The following ALPK2 variants were observed in gnomAD, a reference collection of about 807,000 sequenced individuals.
The protein encoded by ALPK2 is alpha-protein kinase 2.
Under a neutral mutation model 163.1 loss-of-function variants are expected in ALPK2, and 127 were observed. The observed-to-expected ratio is 0.78, with a 90% confidence interval of 0.67 to 0.90. The LOEUF is 0.90. Among genes scored for constraint, ALPK2 ranks in the 40% least tolerant of loss-of-function variants. The probability of loss-of-function intolerance (pLI) is 0.00; values close to 1 mark genes in which losing one functional copy is unlikely to be tolerated. For missense variants in ALPK2, 2,360 were observed against 2,589.6 expected (o/e 0.91, Z 1.92); for synonymous variants, 953 against 959.1 (o/e 0.99, Z 0.12).
At chr18:58,624,706 G>C (rs928756041) in intron 1 of ALPK2, among the ~76,000 whole-genome samples, 21 of 152,088 alleles carry the variant, frequency 1.4e-4, no homozygotes, top group Admixed American at 5.9e-4. Context: ...CACCCACCTT[G>C]GCCTCCCAAA....
chr18:58,579,579 G>A lies in ALPK2; in HGVS notation c.1197C>T (p.Gly399=), dbSNP rs1463560693. ...GDAGPMVATA[G]FCGHHSQPQE... is the part of the protein sequence containing the mutation. Reference sequence around the variant, plus strand: ...GGGGTTGTGAGTGATGACCACAGAAGCCAGCAGTGGCAACCATAGGCCCAG... The same window carrying A: ...GGGGTTGTGAGTGATGACCACAGAAACCAGCAGTGGCAACCATAGGCCCAG... The change falls in exon 4 of 13, where the codon GGC becomes GGT. Residue 399 remains glycine (G), a synonymous_variant. Transcript: ENST00000361673. 2 of 1,613,530 alleles carry A rather than the reference G, an allele frequency of 1.2e-6. No individual in the cohort carries two copies. Among genetic ancestry groups the A allele is most frequent in the Admixed American group, 1.7e-5 (1 of 59,998 alleles).
intron 5 of ALPK2, among the ~76,000 whole-genome samples, chr18:58,533,064 C>T (rs1029659738): frequency 2.6e-5 from 4 of 152,226 alleles, no homozygotes; most frequent in African/African-American, 7.2e-5. Context: ...GTCTCTACCC[C>T]GTAGTCTCCG....
At chr18:58,610,095 C>T (rs1322902454) in intron 2 of ALPK2, among the ~76,000 whole-genome samples, 1 of 151,896 alleles carries the variant, frequency 6.6e-6, no homozygotes, top group Admixed American at 6.6e-5. Flanking sequence ...GCCGACATAG[C>T]GAAACCCCAT....
chr18:58,618,971 G>A (rs146136605), intron 1 of ALPK2, among the ~76,000 whole-genome samples: 1 of 152,316 alleles, frequency 6.6e-6, no homozygotes, highest in South Asian at 2.1e-4. Context: ...CCTACTCAGC[G>A]GGGACAGGAG....
At chr18:58,606,278 C>T (rs554652684) in intron 3 of ALPK2, among the ~76,000 whole-genome samples, 57 of 152,226 alleles carry the variant, frequency 3.7e-4, no homozygotes, top group Non-Finnish European at 7.5e-4. Context: ...TGAAGTCTCA[C>T]TGTGTTGCCC....
At chr18:58,554,723 G>T (rs980538380) in intron 4 of ALPK2, among the ~76,000 whole-genome samples, 1 of 152,190 alleles carries the variant, frequency 6.6e-6, no homozygotes, top group Non-Finnish European at 1.5e-5. Flanking sequence ...TGGCCTGGGG[G>T]TTAACAAGCC....
At chr18:58,597,159 G>A (rs946592968) in intron 3 of ALPK2, among the ~76,000 whole-genome samples, 1 of 152,090 alleles carries the variant, frequency 6.6e-6, no homozygotes. Context: ...GTGTGGTGGT[G>A]GGGACCTGTA....
At chr18:58,514,711 A>AGC (rs2051511993) in intron 10 of ALPK2, among the ~76,000 whole-genome samples, 1 of 151,570 alleles carries the variant, frequency 6.6e-6, no homozygotes, top group Non-Finnish European at 1.5e-5. Context: ...AACATGGTAG[A>AGC]TTCATTTATT....
rs1487885048 is a variant in ALPK2 at position 58,535,905 on chromosome 18, G to A, written c.4282C>T (p.Gln1428Ter). The change falls in exon 5 of 13, where the codon CAG (glutamine) becomes TAG (stop). Residue 1428 changes from glutamine (Q) to a stop codon, truncating the protein, a stop_gained. Coordinates refer to ENST00000361673, the MANE Select transcript of ALPK2 (RefSeq NM_052947.4). LOFTEE classifies it high-confidence loss of function. ...GATTGACCCCCTTCTCTGGCGCCCT[G>A]TGGTGTGGTTTCAGAGGGCTCTGGT... ...GKPEPSETTP[Q>*]GAREGGQSND... 1.2e-6 allele frequency: 2 copies of A among 1,614,058 alleles called. No homozygotes were observed. Among genetic ancestry groups the A allele is most frequent in the East Asian group, 2.2e-5 (1 of 44,886 alleles).
chr18:58,482,613 G>A (rs2051317350), intron 12 of ALPK2, among the ~76,000 whole-genome samples: 1 of 152,164 alleles, frequency 6.6e-6, no homozygotes, highest in Admixed American at 6.5e-5. Context: ...CACTCCCCTG[G>A]CAGCCCGCTT....
chr18:58,553,174 ACTGT>A (rs778635484), intron 4 of ALPK2, among the ~76,000 whole-genome samples: 1 of 152,158 alleles, frequency 6.6e-6, no homozygotes, highest in Non-Finnish European at 1.5e-5. Flanking sequence ...AATACTGCCA[ACTGT>A]CTGCTGATTT....
At chr18:58,527,528 A>G (rs1364613510) in intron 6 of ALPK2, among the ~76,000 whole-genome samples, 6 of 152,234 alleles carry the variant, frequency 3.9e-5, no homozygotes, top group African/African-American at 1.4e-4. Context: ...AATACACATC[A>G]AATGGAAAAG....
intron 3 of ALPK2, among the ~76,000 whole-genome samples, chr18:58,587,385 A>C (rs750042745): frequency 9.6e-4 from 146 of 152,360 alleles, no homozygotes; most frequent in Non-Finnish European, 1.7e-3. Context: ...GCAAAGAAAC[A>C]TAAAGTATTG....
intron 8 of ALPK2, among the ~76,000 whole-genome samples, chr18:58,522,909 T>C (rs1286784016): frequency 1.3e-5 from 2 of 149,224 alleles, no homozygotes; most frequent in East Asian, 4.0e-4. Context: ...TTCTTTCTCT[T>C]TTTTTTTTCT....
chr18:58,555,881 G>A (rs1186648733), intron 4 of ALPK2, among the ~76,000 whole-genome samples: 1 of 152,168 alleles, frequency 6.6e-6, no homozygotes, highest in Non-Finnish European at 1.5e-5. Flanking sequence ...GAGTGCAGTG[G>A]CACAATCTCG....
intron 3 of ALPK2, among the ~76,000 whole-genome samples, chr18:58,582,579 AC>A: frequency 6.6e-6 from 1 of 151,722 alleles, no homozygotes; most frequent in South Asian, 2.1e-4. Context: ...AAAAAAAAAA[AC>A]TGTGAAATAT....
chr18:58,599,677 G>A (rs140448430), intron 3 of ALPK2, among the ~76,000 whole-genome samples: 30 of 152,278 alleles, frequency 2.0e-4, no homozygotes, highest in African/African-American at 6.7e-4. Context: ...ATTTTAATCA[G>A]TTCCAAAATT....
intron 2 of ALPK2, among the ~76,000 whole-genome samples, chr18:58,608,165 AAGTT>A (rs2052108294): frequency 6.6e-6 from 1 of 152,228 alleles, no homozygotes; most frequent in South Asian, 2.1e-4. Flanking sequence ...ATAGTGCTCA[AAGTT>A]AGTGCGTTAG....
At chr18:58,532,073 G>T (rs1169536906) in intron 5 of ALPK2, among the ~76,000 whole-genome samples, 2 of 151,816 alleles carry the variant, frequency 1.3e-5, no homozygotes, top group Non-Finnish European at 2.9e-5. Context: ...GATTCGTATG[G>T]ATTAGTGCCC....
Sources: allele counts gnomAD v4.1 joint callset (sites outside exome capture counted in the v4.1 genomes callset), GRCh38; gene constraint gnomAD v4.1.1; transcripts MANE v1.5; gene names NCBI Gene and HGNC (gene_info 2026-07-23, HGNC 2026-07-21).